ADAMTS2: variants seen among roughly 807,000 people sequenced by gnomAD.
ADAMTS2 encodes the protein ADAM metallopeptidase with thrombospondin type 1 motif 2.
A neutral mutation model predicts 123.0 loss-of-function variants in ADAMTS2; 50 were observed. The observed-to-expected ratio is 0.41, with a 90% confidence interval of 0.32 to 0.51. The LOEUF is 0.51. ADAMTS2 is among the 20% of genes least tolerant of loss of function. ADAMTS2 has a pLI of 0.35. For synonymous variants in ADAMTS2, 678 were observed against 695.4 expected, an observed-to-expected ratio of 0.98 and a Z score of 0.39; for missense variants, 1,494 against 1,705.2, an observed-to-expected ratio of 0.88 and a Z score of 2.18.
At position 179,308,723 on chromosome 5, in the gene ADAMTS2, C is replaced by T. The variant is rs1448402309; in HGVS notation, c.534+35044G>A. ...TGTCCCAGCAGATGAATCTGGCTGGCGTCCTGAGTGGAAGCAGGGCGCGGG... is the reference window on the plus strand; with the variant it reads ...TGTCCCAGCAGATGAATCTGGCTGGTGTCCTGAGTGGAAGCAGGGCGCGGG... On this transcript the variant is annotated intron_variant, in intron 2 of 21. Transcript: ENST00000251582. This position sits in a 1 kb window ranked among gnomAD's most constrained non-coding sequence, Gnocchi z 6.6. Among the ~76,000 whole-genome samples, 14 of 152,310 alleles carry T rather than the reference C, an allele frequency of 9.2e-5. No individual in the cohort carries two copies. The highest frequency in any genetic ancestry group is 1.3e-4 in the Admixed American group (2 of 15,302).
At chr5:179,329,879 C>A (rs2127458998) in intron 2 of ADAMTS2, among the ~76,000 whole-genome samples, 1 of 152,220 alleles carries the variant, frequency 6.6e-6, no homozygotes, top group East Asian at 1.9e-4. Context: ...GTAATCCCAG[C>A]ACTTTGGGAG....
At chr5:179,182,834 AC>A (rs1056206211) in intron 4 of ADAMTS2, among the ~76,000 whole-genome samples, 4 of 151,898 alleles carry the variant, frequency 2.6e-5, no homozygotes, top group Admixed American at 2.6e-4. Context: ...TGGGTCAGCA[AC>A]CCCTGTAGGC....
chr5:179,268,548 G>A (rs2113504495), intron 3 of ADAMTS2, among the ~76,000 whole-genome samples: 2 of 152,338 alleles, frequency 1.3e-5, no homozygotes, highest in South Asian at 4.1e-4. Flanking sequence ...CAGTCTCTGG[G>A]AAGCTAAGAC....
chr5:179,165,643 A>G (rs890421959), intron 5 of ADAMTS2, among the ~76,000 whole-genome samples: 1 of 152,166 alleles, frequency 6.6e-6, no homozygotes, highest in African/African-American at 2.4e-5. Context: ...CCCAGCCTCC[A>G]GAGCAGGGGG....
chr5:179,271,880 C>T (rs115264712), intron 3 of ADAMTS2, among the ~76,000 whole-genome samples: 4,566 of 152,286 alleles, frequency 0.03, 85 homozygotes, highest in Non-Finnish European at 0.049. Flanking sequence ...TATGGAGTGA[C>T]GGGAGTACCT....
rs1763409611 is a variant in ADAMTS2 at position 179,153,599 on chromosome 5, G to T, written c.1407C>A (p.Asp469Glu). 4.4e-6 allele frequency: 7 copies of T among 1,606,112 alleles called. No individual in the cohort carries two copies. The highest frequency in any genetic ancestry group is 5.9e-6 in the Non-Finnish European group (7 of 1,179,716). The change falls in exon 9 of 22, where the codon GAC (aspartate) becomes GAA (glutamate). Residue 469 changes from aspartate (D) to glutamate (E), a missense_variant. Asp to Glu is a conservative substitution (Grantham distance 45). This residue lies in a region of ADAMTS2 where 953 missense variants were observed against 1,124.7 expected (regional missense o/e 0.85). Coordinates refer to ENST00000251582, the MANE Select transcript of ADAMTS2 (RefSeq NM_014244.5). ...GCGCCGGCCAGTCGTGGGCGAAGGG[G>T]TCATCCAGCAGGCAGTCATAGGAGC... The part of the protein sequence containing the change: ...YLHSYDCLLD[D>E]PFAHDWPALP...
At position 179,158,082 on chromosome 5, in the gene ADAMTS2, A is replaced by G. The variant is rs376029123; in HGVS notation, c.1132+641T>C. Among the ~76,000 whole-genome samples the G allele has an allele frequency of 2.6e-4, 40 of 151,902 alleles. No homozygotes were observed. In the East Asian group the frequency reaches 5.4e-3, roughly 21 times the overall value. The stretch of plus-strand genomic sequence containing the variant: ...CGGGTTCACACCATTCTCCTGCCTC[A>G]GCCTCCCGGGTAGCTGGGACTACAG... On this transcript the variant is annotated intron_variant, in intron 6 of 21. Transcript: ENST00000251582. This position sits in a 1 kb window ranked among gnomAD's most constrained non-coding sequence, Gnocchi z 5.0.
intron 2 of ADAMTS2, among the ~76,000 whole-genome samples, chr5:179,315,046 C>A (rs563136529): frequency 4.3e-4 from 64 of 147,788 alleles, no homozygotes; most frequent in South Asian, 3.3e-3. Flanking sequence ...CCACCCCCCC[C>A]ACAATCCCCA....
chr5:179,141,163 T>C (rs550607735), intron 10 of ADAMTS2, among the ~76,000 whole-genome samples: 1 of 152,280 alleles, frequency 6.6e-6, no homozygotes, highest in South Asian at 2.1e-4. Flanking sequence ...TTTGTAGCAC[T>C]GTTTCCACAA....
chr5:179,155,048 C>T lies in ADAMTS2; in HGVS notation c.1133-129G>A, dbSNP rs548347546. 82 of 811,562 alleles carry T rather than the reference C, an allele frequency of 1.0e-4. No individual in the cohort carries two copies. The highest frequency in any genetic ancestry group is 1.5e-4 in the African/African-American group (9 of 58,904). 50.3% of individuals were successfully genotyped at this position (811,562 alleles called of 1,614,324 possible). A position where few individuals can be genotyped will look rare whatever the true frequency, so the allele number is the denominator to read the frequency against. The stretch of plus-strand genomic sequence containing the variant: ...CCTCTCTACCACAGGCAACTGCCCC[C>T]GGCTGGCACAGCTCAGAAGACACCA... On this transcript the variant is annotated intron_variant, in intron 6 of 21. Transcript: ENST00000251582. The surrounding 1 kb of genome is among the most constrained non-coding windows in gnomAD (Gnocchi z 5.1).
In ADAMTS2 at chr5:179,197,456, C is replaced by T. The variant is rs59456453; in HGVS notation, c.891+10057G>A. Among the ~76,000 whole-genome samples, 2,631 of 152,286 alleles carry T rather than the reference C, an allele frequency of 0.017. 91 individuals carry two copies. The highest frequency in any genetic ancestry group is 0.059 in the African/African-American group (2,470 of 41,544). Reference sequence around the variant, plus strand: ...TTTTAAAAATGTATCTGTAGCCAGGCGTGGTGGCTCGTGCCTGTGATCCCA... The same window carrying T: ...TTTTAAAAATGTATCTGTAGCCAGGTGTGGTGGCTCGTGCCTGTGATCCCA... On this transcript the variant is annotated intron_variant, in intron 4 of 21. Transcript: ENST00000251582. This position sits in a 1 kb window ranked among gnomAD's most constrained non-coding sequence, Gnocchi z 4.2.
At chr5:179,229,825 G>T (rs1009718740) in intron 3 of ADAMTS2, among the ~76,000 whole-genome samples, 1 of 152,194 alleles carries the variant, frequency 6.6e-6, no homozygotes, top group African/African-American at 2.4e-5. Flanking sequence ...GTAATTAGGC[G>T]TGAAATGGCT....
In ADAMTS2 at chr5:179,162,168, T is replaced by G. The variant is rs1181236591; in HGVS notation, c.976-3289A>C. 6.6e-6 allele frequency among the ~76,000 whole-genome samples: 1 copy of G among 152,190 alleles called. No homozygotes were observed. Among genetic ancestry groups the G allele is most frequent in the Non-Finnish European group, 1.5e-5 (1 of 68,028 alleles). On this transcript the variant is annotated intron_variant, in intron 5 of 21. Coordinates refer to ENST00000251582, the MANE Select transcript of ADAMTS2 (RefSeq NM_014244.5). The surrounding 1 kb of genome is among the most constrained non-coding windows in gnomAD (Gnocchi z 5.1). Reference sequence around the variant, plus strand: ...AGTGGGACGGTCCCTTCCGATGCCCTGGTGGGTTGCGGTGACTTCTGCCTG... The same window carrying G: ...AGTGGGACGGTCCCTTCCGATGCCCGGGTGGGTTGCGGTGACTTCTGCCTG...
At chr5:179,254,447 G>A (rs985124783) in intron 3 of ADAMTS2, among the ~76,000 whole-genome samples, 1 of 152,120 alleles carries the variant, frequency 6.6e-6, no homozygotes, top group Non-Finnish European at 1.5e-5. Context: ...AAACATTTTG[G>A]AACTAGATGG....
chr5:179,132,182 G>A lies in ADAMTS2; in HGVS notation c.2290+48C>T. The A allele has an allele frequency of 6.3e-7, 1 of 1,575,190 alleles. No homozygotes were observed. Among genetic ancestry groups the A allele is most frequent in the Non-Finnish European group, 8.7e-7 (1 of 1,146,708 alleles). On this transcript the variant is annotated intron_variant, in intron 15 of 21. Transcript: ENST00000251582. This position sits in a 1 kb window ranked among gnomAD's most constrained non-coding sequence, Gnocchi z 6.1. ...CCTGGCACTCTGCCCATTGATCCCA[G>A]AGGAGCCAGGTCCTGAGGACGTCAA...
intron 4 of ADAMTS2, among the ~76,000 whole-genome samples, chr5:179,203,137 GCCTGCC>G (rs1764604912): frequency 6.6e-6 from 1 of 152,228 alleles, no homozygotes; most frequent in South Asian, 2.1e-4. Flanking sequence ...CCTGCACTCA[GCCTGCC>G]ACCACCTCAC....
intron 5 of ADAMTS2, among the ~76,000 whole-genome samples, chr5:179,174,650 T>G (rs1391896083): frequency 6.6e-6 from 1 of 152,250 alleles, no homozygotes; most frequent in Non-Finnish European, 1.5e-5. Context: ...TTCAACTATT[T>G]TATTCAACTG....
At chr5:179,296,552 G>C (rs1756340093) in intron 2 of ADAMTS2, among the ~76,000 whole-genome samples, 1 of 152,174 alleles carries the variant, frequency 6.6e-6, no homozygotes, top group African/African-American at 2.4e-5. Flanking sequence ...CAGTGGTACA[G>C]GCAGGGAGCA....
chr5:179,216,042 C>A (rs1581196748), intron 3 of ADAMTS2, among the ~76,000 whole-genome samples: 1 of 152,194 alleles, frequency 6.6e-6, no homozygotes, highest in Middle Eastern at 3.4e-3. Flanking sequence ...AAGGTGTGCA[C>A]CATCAAAAAC....
Sources: gnomAD v4.1 joint callset for allele counts (sites outside exome capture counted in the v4.1 genomes callset) on GRCh38, gnomAD v4.1.1 for gene constraint, gnomAD v4.1.1 regional missense constraint, Gnocchi (gnomAD v3.1) non-coding constraint, MANE v1.5 for transcripts, NCBI Gene and HGNC (gene_info 2026-07-23, HGNC 2026-07-21) for gene names.